The following LRRC37A2 variants were observed in gnomAD, a reference collection of about 807,000 sequenced individuals.
LRRC37A2 encodes the protein leucine-rich repeat-containing protein 37A2.
LRRC37A2 carries 9 observed loss-of-function variants against 68.8 expected under a neutral mutation model. The observed-to-expected ratio is 0.13, with a 90% CI of 0.08 to 0.23. The LOEUF (loss-of-function observed/expected upper bound fraction) is 0.23. LRRC37A2 is among the 10% of genes least tolerant of loss of function. The probability of loss-of-function intolerance (pLI) is 1.00; values close to 1 mark genes in which losing one functional copy is unlikely to be tolerated. For missense variants in LRRC37A2, 168 were observed against 950.4 expected, an observed-to-expected ratio of 0.18 and a Z score of 10.82; for synonymous variants, 63 against 367.6, an observed-to-expected ratio of 0.17 and a Z score of 9.48.
chr17:46,769,221 C>A, the LRRC37A2 span, among the ~76,000 whole-genome samples: 2 of 151,110 alleles, frequency 1.3e-5, no homozygotes, highest in Non-Finnish European at 2.9e-5. Context: ...GAGGTTGAGG[C>A]CGGAGAATTG....
At chr17:46,885,145 C>CGG in the LRRC37A2 span, 1 of 370,618 alleles carries the variant, frequency 2.7e-6, no homozygotes, top group South Asian at 1.9e-5. Context: ...TGCACCACCA[C>CGG]GCCTGACTAA....
chr17:46,874,739 G>T, the LRRC37A2 span, among the ~76,000 whole-genome samples: 1 of 151,860 alleles, frequency 6.6e-6, no homozygotes. Flanking sequence ...CACCATGCCC[G>T]GCTAATTTTT....
the LRRC37A2 span, among the ~76,000 whole-genome samples, chr17:46,899,835 T>A: frequency 2.1e-4 from 32 of 152,210 alleles, 1 homozygote; most frequent in Non-Finnish European, 3.8e-4. Flanking sequence ...GCAGGTTGAT[T>A]GCTGTTGTAT....
At chr17:46,772,093 GC>G in the LRRC37A2 span, among the ~76,000 whole-genome samples, 7 of 152,212 alleles carry the variant, frequency 4.6e-5, no homozygotes, top group African/African-American at 1.7e-4. Flanking sequence ...GTGGGGACTC[GC>G]CGGGGGCGGG....
the LRRC37A2 span, among the ~76,000 whole-genome samples, chr17:46,846,232 A>T: frequency 6.6e-6 from 1 of 152,228 alleles, no homozygotes; most frequent in Non-Finnish European, 1.5e-5. Flanking sequence ...CATGAACATT[A>T]TAAAATCAGA....
chr17:46,495,357 C>T, the LRRC37A2 span, among the ~76,000 whole-genome samples: 4 of 148,770 alleles, frequency 2.7e-5, no homozygotes, highest in Admixed American at 2.7e-4. Context: ...CCAGGCTAAA[C>T]CACTGTGCTC....
At chr17:47,005,230 C>T in the LRRC37A2 span, among the ~76,000 whole-genome samples, 6 of 152,164 alleles carry the variant, frequency 3.9e-5, no homozygotes. Flanking sequence ...GTGTTGAATG[C>T]TCAGTTCATT....
At chr17:46,894,037 T>C in the LRRC37A2 span, among the ~76,000 whole-genome samples, 1 of 152,206 alleles carries the variant, frequency 6.6e-6, no homozygotes, top group Non-Finnish European at 1.5e-5. Flanking sequence ...AGCCAGTGAA[T>C]TCGCCCCCAA....
chr17:46,851,496 G>C, the LRRC37A2 span: 1 of 377,376 alleles, frequency 2.6e-6, no homozygotes, highest in Non-Finnish European at 4.5e-6. This position sits in a 1 kb window ranked among gnomAD's most constrained non-coding sequence, Gnocchi z 4.3. Flanking sequence ...GCCGCCCGGG[G>C]CTGGGGAGCC....
At chr17:46,969,540 G>A in the LRRC37A2 span, among the ~76,000 whole-genome samples, 47 of 152,192 alleles carry the variant, frequency 3.1e-4, no homozygotes, top group African/African-American at 8.9e-4. Flanking sequence ...CTAAACAACC[G>A]TGGAACGATC....
chr17:46,823,484 G>T, the LRRC37A2 span, among the ~76,000 whole-genome samples: 3 of 151,882 alleles, frequency 2.0e-5, no homozygotes, highest in Admixed American at 2.0e-4. Flanking sequence ...TGTCGCCCAG[G>T]CTGGAGTACA....
At chr17:47,004,516 T>C in the LRRC37A2 span, among the ~76,000 whole-genome samples, 1 of 152,296 alleles carries the variant, frequency 6.6e-6, no homozygotes, top group East Asian at 1.9e-4. Flanking sequence ...TATAATTTTA[T>C]GGAAGAAAGT....
the LRRC37A2 span, among the ~76,000 whole-genome samples, chr17:46,878,601 T>C: frequency 1.3e-5 from 2 of 152,118 alleles, no homozygotes; most frequent in Non-Finnish European, 2.9e-5. Flanking sequence ...CCCCACAGCA[T>C]GGAGATTTTC....
At chr17:46,871,222 A>G in the LRRC37A2 span, among the ~76,000 whole-genome samples, 1 of 151,652 alleles carries the variant, frequency 6.6e-6, no homozygotes, top group African/African-American at 2.4e-5. Flanking sequence ...TTGATCTTTT[A>G]CCCTGGCTAT....
chr17:46,891,677 A>G, the LRRC37A2 span, among the ~76,000 whole-genome samples: 1 of 152,178 alleles, frequency 6.6e-6, no homozygotes, highest in Admixed American at 6.5e-5. Flanking sequence ...CCCGTTCCAC[A>G]TGACCTGACA....
At chr17:46,758,525 ATT>A in the LRRC37A2 span, among the ~76,000 whole-genome samples, 9 of 152,150 alleles carry the variant, frequency 5.9e-5, no homozygotes, top group African/African-American at 2.2e-4. Flanking sequence ...TTAACCGGCT[ATT>A]TTTTTGTCAT....
chr17:46,791,414 C>T, the LRRC37A2 span, among the ~76,000 whole-genome samples: 2 of 152,084 alleles, frequency 1.3e-5, no homozygotes, highest in Non-Finnish European at 2.9e-5. Flanking sequence ...AACATGTTGG[C>T]CAGGCTGGTC....
the LRRC37A2 span, among the ~76,000 whole-genome samples, chr17:46,865,564 C>A: frequency 6.6e-6 from 1 of 152,000 alleles, no homozygotes; most frequent in Non-Finnish European, 1.5e-5. Flanking sequence ...ACAGGAGGAA[C>A]GAGTGGTTTT....
chr17:46,865,737 C>T, the LRRC37A2 span, among the ~76,000 whole-genome samples: 1 of 152,250 alleles, frequency 6.6e-6, no homozygotes, highest in South Asian at 2.1e-4. Context: ...TAGCCTGTAG[C>T]TGGAACCACA....
Sources: gnomAD v4.1 joint callset for allele counts (sites outside exome capture counted in the v4.1 genomes callset) on GRCh38, gnomAD v4.1.1 for gene constraint, Gnocchi (gnomAD v3.1) non-coding constraint, MANE v1.5 for transcripts, NCBI Gene and HGNC (gene_info 2026-07-23, HGNC 2026-07-21) for gene names.